LMNTD1: variants seen among roughly 807,000 people sequenced by gnomAD.
LMNTD1 encodes lamin tail domain-containing protein 1.
Under a neutral mutation model 50.9 loss-of-function variants are expected in LMNTD1, and 35 were observed. The observed-to-expected ratio is 0.69, with a 90% CI of 0.53 to 0.91. The LOEUF (loss-of-function observed/expected upper bound fraction) is 0.91, where lower values mean the gene tolerates loss of function less well. Among genes scored for constraint, LMNTD1 ranks in the 40% least tolerant of loss-of-function variants. The pLI is 0.00. For synonymous variants in LMNTD1, 153 were observed against 161.9 expected (o/e 0.94, Z 0.42); for missense variants, 470 against 475.5 (o/e 0.99, Z 0.11).
intron 1 of LMNTD1, among the ~76,000 whole-genome samples, chr12:25,597,413 G>T (rs1255548780): frequency 4.6e-5 from 7 of 152,056 alleles, no homozygotes; most frequent in African/African-American, 1.4e-4. Flanking sequence ...GACAAAGAAG[G>T]TCACTATATA....
intron 9 of LMNTD1, among the ~76,000 whole-genome samples, chr12:25,495,249 C>CGTGTGTGTGTGTGTGT (rs1207389869): frequency 2.8e-4 from 41 of 144,768 alleles, no homozygotes; most frequent in Middle Eastern, 7.0e-3. Context: ...AAAGTGTGTA[C>CGTGTGTGTGTGTGTGT]GTGTGTGTGT....
chr12:25,535,648 C>A (rs1336249637), intron 4 of LMNTD1, among the ~76,000 whole-genome samples: 1 of 151,880 alleles, frequency 6.6e-6, no homozygotes, highest in African/African-American at 2.4e-5. Flanking sequence ...AGAGCAAGAT[C>A]TTGAAAATAT....
chr12:25,487,481 T>G (rs1332486029), intron 9 of LMNTD1, among the ~76,000 whole-genome samples: 330 of 140,950 alleles, frequency 2.3e-3, no homozygotes, highest in African/African-American at 8.4e-3. Context: ...GTTTTCCATT[T>G]GCTTGGTAGA....
At chr12:25,547,299 A>T (rs1943490050) in intron 3 of LMNTD1, 1 of 417,048 alleles carries the variant, frequency 2.4e-6, no homozygotes, top group African/African-American at 2.1e-5. Flanking sequence ...ATTATATTTC[A>T]GTTCTGCCAT....
intron 4 of LMNTD1, among the ~76,000 whole-genome samples, chr12:25,537,206 G>A (rs983688180): frequency 7.2e-5 from 11 of 152,152 alleles, no homozygotes; most frequent in Non-Finnish European, 4.4e-5. Flanking sequence ...CTGGAAGCTC[G>A]AACTGGGTGG....
chr12:25,581,439 AC>A (rs1190161971), intron 1 of LMNTD1, among the ~76,000 whole-genome samples: 2 of 152,132 alleles, frequency 1.3e-5, no homozygotes, highest in African/African-American at 4.8e-5. Context: ...GACTCTTTGA[AC>A]CTATTAGGAT....
At chr12:25,566,844 G>A (rs1196953630) in intron 1 of LMNTD1, among the ~76,000 whole-genome samples, 1 of 152,200 alleles carries the variant, frequency 6.6e-6, no homozygotes, top group African/African-American at 2.4e-5. Flanking sequence ...ATTCCATGAT[G>A]CTGTTTACTA....
At chr12:25,479,368 T>G (rs1275341234) in intron 9 of LMNTD1, among the ~76,000 whole-genome samples, 1 of 152,206 alleles carries the variant, frequency 6.6e-6, no homozygotes, top group African/African-American at 2.4e-5. Context: ...TTCCTAGCCC[T>G]GTGAATCCTG....
At chr12:25,487,628 A>C (rs1938702346) in intron 9 of LMNTD1, among the ~76,000 whole-genome samples, 1 of 127,074 alleles carries the variant, frequency 7.9e-6, no homozygotes, top group Non-Finnish European at 1.6e-5. Flanking sequence ...AATTTAGTCC[A>C]TTTACATTTA....
intron 1 of LMNTD1, among the ~76,000 whole-genome samples, chr12:25,646,489 C>T (rs1215690353): frequency 6.6e-6 from 1 of 152,128 alleles, no homozygotes; most frequent in Admixed American, 6.5e-5. Context: ...GCCCTAGGAT[C>T]ATTTTTTTTT....
chr12:25,495,249 CGTGTGT>C lies in LMNTD1; in HGVS notation c.*22+8483_*22+8488del, dbSNP rs1207389869. ...TCCTGCCAAAATCATAAAGTGTGTA[CGTGTGT>C]GTGTGTGTGTGTGTGTGTGTGTGTG... On this transcript the variant is annotated intron_variant, in intron 9 of 9. Coordinates refer to ENST00000458174, the MANE Select transcript of LMNTD1 (RefSeq NM_001145728.2). Among the ~76,000 whole-genome samples, 12 of 144,768 alleles carry C rather than the reference CGTGTGT, an allele frequency of 8.3e-5. No individual in the cohort carries two copies. In the South Asian group the frequency reaches 1.4e-3, roughly 16 times the overall value. The allele number at this position is 144,768 out of a possible 152,430, so 95.0% of individuals were successfully genotyped here. A position where few individuals can be genotyped will look rare whatever the true frequency, so the allele number is the denominator to read the frequency against.
At chr12:25,514,511 G>A (rs1212913897) in intron 8 of LMNTD1, among the ~76,000 whole-genome samples, 2 of 151,658 alleles carry the variant, frequency 1.3e-5, no homozygotes, top group African/African-American at 4.8e-5. Context: ...GGCTGGGAAG[G>A]GTAGTGGGGG....
intron 1 of LMNTD1, among the ~76,000 whole-genome samples, chr12:25,626,720 C>T (rs1354142447): frequency 6.6e-6 from 1 of 152,144 alleles, no homozygotes; most frequent in African/African-American, 2.4e-5. Context: ...CCTACTACTT[C>T]TACATATTTA....
chr12:25,485,359 T>C (rs932079136), intron 9 of LMNTD1, among the ~76,000 whole-genome samples: 1 of 137,468 alleles, frequency 7.3e-6, no homozygotes, highest in African/African-American at 2.7e-5. Context: ...GTTGTTTGTT[T>C]TTTTCTTGTA....
At chr12:25,596,310 GT>G (rs1391574507) in intron 1 of LMNTD1, among the ~76,000 whole-genome samples, 4 of 151,996 alleles carry the variant, frequency 2.6e-5, no homozygotes, top group Middle Eastern at 3.4e-3. Flanking sequence ...ATGAATATAG[GT>G]GCTAAAATCC....
chr12:25,525,536 T>A (rs1251934918), intron 6 of LMNTD1, among the ~76,000 whole-genome samples: 2 of 152,188 alleles, frequency 1.3e-5, no homozygotes, highest in Non-Finnish European at 2.9e-5. Flanking sequence ...TCCCTTGACT[T>A]CGAAAGTTGA....
In LMNTD1 at chr12:25,647,742, C is replaced by T. The variant is rs1015745208; in HGVS notation, c.58+752G>A. On this transcript the variant is annotated intron_variant, in intron 1 of 7. Transcript: ENST00000445693. ...AGTACTATACATAAAAAAGCATTTG[C>T]TATTATTTTAAATTAAATTTATTTC... Among the ~76,000 whole-genome samples the T allele has an allele frequency of 9.2e-5, 14 of 152,076 alleles. 1 individual carries two copies. Among genetic ancestry groups the T allele is most frequent in the African/African-American group, 1.2e-4 (5 of 41,398 alleles).
chr12:25,616,828 A>T (rs1400014900), intron 1 of LMNTD1, among the ~76,000 whole-genome samples: 1 of 152,180 alleles, frequency 6.6e-6, no homozygotes, highest in Non-Finnish European at 1.5e-5. Flanking sequence ...GTTTCCCAGG[A>T]GCTGGTGGTG....
chr12:25,497,597 A>C (rs1448377004), intron 9 of LMNTD1: 1 of 152,268 alleles, frequency 6.6e-6, no homozygotes, highest in Non-Finnish European at 1.5e-5. Context: ...CAGGAATTCG[A>C]GACCAGCCTG....
Sources: gnomAD v4.1 joint callset for allele counts (sites outside exome capture counted in the v4.1 genomes callset) on GRCh38, gnomAD v4.1.1 for gene constraint, MANE v1.5 for transcripts, NCBI Gene and HGNC (gene_info 2026-07-23, HGNC 2026-07-21) for gene names.